RANBP9: variants seen among roughly 807,000 people sequenced by gnomAD.
The protein encoded by RANBP9 is RAN binding protein 9, also known as ran-binding protein 9.
A neutral mutation model predicts 84.3 loss-of-function variants in RANBP9; 15 were observed. That is an observed-to-expected ratio of 0.18 (90% CI 0.12 to 0.27). The LOEUF (loss-of-function observed/expected upper bound fraction) is 0.27, where lower values mean the gene tolerates loss of function less well. Among genes scored for constraint, RANBP9 ranks in the 10% least tolerant of loss-of-function variants. RANBP9 has a pLI of 1.00. For missense variants in RANBP9, 809 were observed against 912.8 expected (o/e 0.89, Z 1.46); for synonymous variants, 392 against 349.6 (o/e 1.12, Z -1.35).
intron 4 of RANBP9, 72 bp from the exon 5 acceptor site, chr6:13,652,753 A>T: frequency 2.3e-6 from 3 of 1,313,398 alleles, no homozygotes; most frequent in Non-Finnish European, 3.2e-6. Context: ...CTGAATTTCT[A>T]ACTAAAAGGA....
intron 2 of RANBP9, among the ~76,000 whole-genome samples, chr6:13,679,666 A>G (rs1384017439): frequency 6.6e-6 from 1 of 152,200 alleles, no homozygotes; most frequent in Non-Finnish European, 1.5e-5. Context: ...ACATATCCCT[A>G]TAAGATTAAT....
chr6:13,662,585 G>T, intron 2 of RANBP9, among the ~76,000 whole-genome samples: 1 of 152,118 alleles, frequency 6.6e-6, no homozygotes, highest in East Asian at 1.9e-4. Flanking sequence ...AATAAAAGAG[G>T]CGTGAGAAGG....
At chr6:13,650,166 G>GT (rs749352241) in intron 5 of RANBP9, among the ~76,000 whole-genome samples, 1,678 of 130,806 alleles carry the variant, frequency 0.013, 14 homozygotes, top group Non-Finnish European at 0.019. Flanking sequence ...GTGTTTTTTT[G>GT]TTTTTTTTTT....
At chr6:13,649,668 C>T (rs191200126) in intron 5 of RANBP9, among the ~76,000 whole-genome samples, 5 of 152,110 alleles carry the variant, frequency 3.3e-5, no homozygotes, top group African/African-American at 1.2e-4. Context: ...TATGCGACAC[C>T]GACATTTTCA....
chr6:13,695,556 G>C (rs1766426962), intron 2 of RANBP9, among the ~76,000 whole-genome samples: 1 of 151,660 alleles, frequency 6.6e-6, no homozygotes, highest in Admixed American at 6.6e-5. Context: ...GAATCATCAG[G>C]GTATTTGCAG....
intron 1 of RANBP9, among the ~76,000 whole-genome samples, chr6:13,702,206 G>A (rs1477607020): frequency 6.6e-6 from 1 of 152,172 alleles, no homozygotes; most frequent in Non-Finnish European, 1.5e-5. Context: ...ACTTTGGGAG[G>A]CCAAGGTGGG....
chr6:13,694,091 T>C (rs1766386666), intron 2 of RANBP9, among the ~76,000 whole-genome samples: 1 of 152,050 alleles, frequency 6.6e-6, no homozygotes, highest in Non-Finnish European at 1.5e-5. Context: ...TGCAAACTAG[T>C]ATAGCCACTT....
intron 2 of RANBP9, among the ~76,000 whole-genome samples, chr6:13,683,795 T>C (rs549590031): frequency 2.2e-4 from 34 of 152,216 alleles, no homozygotes; most frequent in African/African-American, 8.2e-4. Context: ...AAAACACCTA[T>C]ACTTGTTAAG....
intron 1 of RANBP9, among the ~76,000 whole-genome samples, chr6:13,698,586 G>A (rs2113360316): frequency 6.6e-6 from 1 of 152,096 alleles, no homozygotes; most frequent in African/African-American, 2.4e-5. Flanking sequence ...ATTTTTTAAG[G>A]GGAGTGACCC....
intron 1 of RANBP9, among the ~76,000 whole-genome samples, chr6:13,697,427 T>C (rs1201395710): frequency 6.6e-6 from 1 of 152,242 alleles, no homozygotes; most frequent in Non-Finnish European, 1.5e-5. Flanking sequence ...GGTATAGTCT[T>C]ATTAATTAAA....
rs767070995 is a variant in RANBP9 at position 13,705,868 on chromosome 6, C to CAAAAAAAAAAAAAAAAAAAAAAAAAA, written c.571+5066_571+5067insTTTTTTTTTTTTTTTTTTTTTTTTTT. 3.9e-4 allele frequency among the ~76,000 whole-genome samples: 30 copies of CAAAAAAAAAAAAAAAAAAAAAAAAAA among 76,720 alleles called. 1 individual carries two copies. Among genetic ancestry groups the CAAAAAAAAAAAAAAAAAAAAAAAAAA allele is most frequent in the East Asian group, 1.3e-3 (3 of 2,274 alleles). 50.3% of individuals were successfully genotyped at this position (76,720 alleles called of 152,430 possible). On this transcript the variant is annotated intron_variant, in intron 1 of 13. Coordinates refer to ENST00000011619, the MANE Select transcript of RANBP9 (RefSeq NM_005493.3). ...TGGGCGACAGAGCAAGACTCCGTCT[C>CAAAAAAAAAAAAAAAAAAAAAAAAAA]AAAAAAAAAAAAAAAAAAGAAACAT...
intron 10 of RANBP9, among the ~76,000 whole-genome samples, chr6:13,636,191 A>G (rs571782168): frequency 3.9e-5 from 6 of 152,314 alleles, no homozygotes; most frequent in East Asian, 3.9e-4. Flanking sequence ...ACAAGTTTGC[A>G]AGTCAAATCC....
At chr6:13,671,714 G>GT (rs1472061037) in intron 2 of RANBP9, among the ~76,000 whole-genome samples, 3 of 152,128 alleles carry the variant, frequency 2.0e-5, no homozygotes, top group African/African-American at 7.2e-5. Context: ...GCATAACTCT[G>GT]TGAATATAGT....
intron 2 of RANBP9, among the ~76,000 whole-genome samples, chr6:13,665,030 C>G (rs1373762569): frequency 1.3e-5 from 2 of 151,908 alleles, no homozygotes; most frequent in East Asian, 3.9e-4. Flanking sequence ...GTCTTTTGAA[C>G]AAATAGTAAA....
At chr6:13,658,054 A>C (rs982018988) in intron 3 of RANBP9, among the ~76,000 whole-genome samples, 5 of 152,132 alleles carry the variant, frequency 3.3e-5, no homozygotes, top group African/African-American at 9.7e-5. Flanking sequence ...CTTCCTTCTC[A>C]TAAGTGGTAC....
chr6:13,623,775 T>C (rs1458814446), intron 13 of RANBP9, among the ~76,000 whole-genome samples: 1 of 152,198 alleles, frequency 6.6e-6, no homozygotes, highest in African/African-American at 2.4e-5. Flanking sequence ...GTCATTAATT[T>C]TACAGGAATC....
In RANBP9 at chr6:13,689,004, A is replaced by AAAAAAAAAAAAAAG. The variant is rs374538732; in HGVS notation, c.683+7780_683+7781insCTTTTTTTTTTTTT. Reference sequence around the variant, plus strand: ...CCACAAAAAAAAAAAAAAAAAAAAAATGCTGGGCATGGTGACGCACACCCA... The same window carrying AAAAAAAAAAAAAAG: ...CCACAAAAAAAAAAAAAAAAAAAAAAAAAAAAAAAAAAAGTGCTGGGCATGGTGACGCACACCCA... On this transcript the variant is annotated intron_variant, in intron 2 of 13. Coordinates refer to ENST00000011619, the MANE Select transcript of RANBP9 (RefSeq NM_005493.3). Among the ~76,000 whole-genome samples, 109 of 108,986 alleles carry AAAAAAAAAAAAAAG rather than the reference A, an allele frequency of 1.0e-3. 14 individuals are homozygous for AAAAAAAAAAAAAAG. The highest frequency in any genetic ancestry group is 2.5e-3 in the African/African-American group (69 of 27,640). 71.5% of individuals were successfully genotyped at this position (108,986 alleles called of 152,430 possible).
In RANBP9 at chr6:13,642,227, A is replaced by AG. The variant is rs560636874; in HGVS notation, c.1225+251dup. Among the ~76,000 whole-genome samples, 509 of 152,288 alleles carry AG rather than the reference A, an allele frequency of 3.3e-3. 2 individuals carry two copies. The highest frequency in any genetic ancestry group is 0.012 in the African/African-American group (495 of 41,576). On this transcript the variant is annotated intron_variant, in intron 7 of 13. Transcript: ENST00000011619. ...TCCTGAAAGCTTAAGAAAACATTTA[A>AG]GAAAAAAATGGTAAAGACATTCCTT... is the stretch of plus-strand genomic sequence containing the variant.
chr6:13,689,157 A>C (rs1245732566), intron 2 of RANBP9, among the ~76,000 whole-genome samples: 3 of 152,066 alleles, frequency 2.0e-5, no homozygotes, highest in Admixed American at 1.3e-4. Flanking sequence ...ACTCTGCTGC[A>C]AACAAAAACA....
Sources: allele counts gnomAD v4.1 joint callset (sites outside exome capture counted in the v4.1 genomes callset), GRCh38; gene constraint gnomAD v4.1.1; transcripts MANE v1.5; gene names NCBI Gene and HGNC (gene_info 2026-07-23, HGNC 2026-07-21).